The following PIK3C3 variants were observed in gnomAD, a reference collection of about 807,000 sequenced individuals.
The protein encoded by PIK3C3 is phosphatidylinositol 3-kinase catalytic subunit type 3, also known as PI3-kinase type 3.
In PIK3C3, 95 loss-of-function variants were observed where a neutral mutation model predicts 126.1. The ratio of observed to expected loss-of-function variants is 0.75; its 90% CI spans 0.64 to 0.89. The LOEUF (loss-of-function observed/expected upper bound fraction) is 0.89, where lower values mean the gene tolerates loss of function less well. Among genes scored for constraint, PIK3C3 ranks in the 40% least tolerant of loss-of-function variants. The pLI, the probability that PIK3C3 is intolerant of heterozygous loss-of-function variation, is 0.00. For synonymous variants in PIK3C3, 374 were observed against 360.0 expected, an observed-to-expected ratio of 1.04 and a Z score of -0.44; for missense variants, 829 against 1,063.2, an observed-to-expected ratio of 0.78 and a Z score of 3.06.
At chr18:42,076,221 T>TGCAC (rs1555643484) in intron 24 of PIK3C3, among the ~76,000 whole-genome samples, 2 of 146,398 alleles carry the variant, frequency 1.4e-5, no homozygotes, top group African/African-American at 2.5e-5. Flanking sequence ...CATATATATA[T>TGCAC]GCATATATAT....
intron 9 of PIK3C3, among the ~76,000 whole-genome samples, chr18:42,003,895 A>G (rs1403766068): frequency 2.0e-5 from 3 of 152,048 alleles, no homozygotes; most frequent in Non-Finnish European, 4.4e-5. Flanking sequence ...CGGTGGTCAT[A>G]CTCTAGGGAG....
chr18:42,039,881 C>G (rs949894762), intron 18 of PIK3C3, among the ~76,000 whole-genome samples: 4 of 152,062 alleles, frequency 2.6e-5, no homozygotes, highest in Admixed American at 6.6e-5. Flanking sequence ...CAATAAATAC[C>G]TGTTAAGTGA....
intron 4 of PIK3C3, among the ~76,000 whole-genome samples, chr18:41,986,408 G>A (rs1383848484): frequency 1.3e-5 from 2 of 151,538 alleles, no homozygotes; most frequent in Non-Finnish European, 2.9e-5. Context: ...AAGTGAGTAA[G>A]AATAGAGGCT....
rs555708611 is a variant in PIK3C3, at chr18:42,033,291, AT to A, written c.1708-534del. On this transcript the variant is annotated intron_variant, in intron 15 of 24. Transcript: ENST00000262039. ...TATGTATATGAGCTGAAGAAAATGAATGATGATGATATCCTAGGAAAAGTTT... is the reference window on the plus strand; with the variant it reads ...TATGTATATGAGCTGAAGAAAATGAAGATGATGATATCCTAGGAAAAGTTT... 6.9e-4 allele frequency among the ~76,000 whole-genome samples: 105 copies of A among 152,342 alleles called. 1 individual carries two copies. The East Asian group carries it at 0.019, about 28-fold the overall frequency.
intron 12 of PIK3C3, among the ~76,000 whole-genome samples, chr18:42,016,010 G>T (rs978019985): frequency 1.3e-5 from 2 of 152,106 alleles, no homozygotes; most frequent in Non-Finnish European, 2.9e-5. Flanking sequence ...TGTTAGACTA[G>T]TGCTACTCTG....
intron 22 of PIK3C3, among the ~76,000 whole-genome samples, chr18:42,063,560 G>A (rs181874726): frequency 2.3e-4 from 35 of 152,130 alleles, no homozygotes; most frequent in Non-Finnish European, 4.0e-4. Flanking sequence ...ACTACATCAA[G>A]GTAGAAGTTT....
At chr18:42,079,946 AGTGTGTGTGTGTGTGTGTGTGT>A (rs6146278) in intron 24 of PIK3C3, among the ~76,000 whole-genome samples, 3 of 137,130 alleles carry the variant, frequency 2.2e-5, no homozygotes, top group Non-Finnish European at 4.8e-5. Flanking sequence ...CCAACTTTTG[AGTGTGTGTGTGTGTGTGTGTGT>A]GTGTGTGTGT....
In PIK3C3 at chr18:42,062,756, G is replaced by C. The variant is rs143383925; in HGVS notation, c.2433-1984G>C. On this transcript the variant is annotated intron_variant, in intron 22 of 24. Transcript: ENST00000262039. The stretch of plus-strand genomic sequence containing the variant: ...GACATCTCTACTAAAAATCTAGTAG[G>C]CACCTCAGACTCCACATGTCTAAAA... Among the ~76,000 whole-genome samples the C allele has an allele frequency of 1.0e-3, 154 of 151,956 alleles. 2 individuals are homozygous for C. Among genetic ancestry groups the C allele is most frequent in the African/African-American group, 3.6e-3 (149 of 41,418 alleles).
chr18:42,049,682 G>A, intron 21 of PIK3C3, 77 bp downstream of exon 21: 1 of 1,203,226 alleles, frequency 8.3e-7, no homozygotes, highest in Non-Finnish European at 1.2e-6. Flanking sequence ...GTACTAACAA[G>A]ATAAGTTGCG....
intron 22 of PIK3C3, among the ~76,000 whole-genome samples, chr18:42,058,513 C>G (rs1274868919): frequency 6.6e-6 from 1 of 152,138 alleles, no homozygotes; most frequent in African/African-American, 2.4e-5. Flanking sequence ...GATATTAGTT[C>G]AATCATTTTT....
rs1262876524 is a variant in PIK3C3, at chr18:42,085,842, T to A, written c.*4705T>A. ...GGCTCATGCCTGTAATGCCAGCACT[T>A]TGGGAGGCCAAGGCAGGCAGATCAC... On this transcript the variant is annotated 3_prime_UTR_variant, in exon 25 of 25. Transcript: ENST00000262039. The A allele has an allele frequency of 6.6e-6, 1 of 152,220 alleles. No homozygotes were observed. The highest frequency in any genetic ancestry group is 1.5e-5 in the Non-Finnish European group (1 of 68,088). 9.4% of individuals were successfully genotyped at this position (152,220 alleles called of 1,614,324 possible).
At position 41,993,410 on chromosome 18, in the gene PIK3C3, G is replaced by A. The variant is rs747136970; in HGVS notation, c.786+69G>A. The A allele has an allele frequency of 1.4e-5, 14 of 993,776 alleles. No homozygotes were observed. In the Admixed American group the frequency reaches 1.8e-4, roughly 13 times the overall value. 61.6% of individuals were successfully genotyped at this position (993,776 alleles called of 1,614,324 possible). A position where few individuals can be genotyped will look rare whatever the true frequency, so the allele number is the denominator to read the frequency against. Reference sequence around the variant, plus strand: ...AGTAATTGTGAGTTAGCCACATCATGTACTTTCTTTAAACAAAGTAATATA... The same window carrying A: ...AGTAATTGTGAGTTAGCCACATCATATACTTTCTTTAAACAAAGTAATATA... On this transcript the variant is annotated intron_variant, in intron 7 of 24. Coordinates refer to ENST00000262039, the MANE Select transcript of PIK3C3 (RefSeq NM_002647.4).
chr18:42,044,606 C>G (rs1465644836), intron 20 of PIK3C3, among the ~76,000 whole-genome samples: 3 of 151,962 alleles, frequency 2.0e-5, no homozygotes, highest in Admixed American at 6.6e-5. Flanking sequence ...TTTGTAGAAA[C>G]AGGGTTATGG....
At chr18:41,997,395 T>C (rs1340977008) in intron 9 of PIK3C3, among the ~76,000 whole-genome samples, 2 of 152,062 alleles carry the variant, frequency 1.3e-5, no homozygotes, top group Non-Finnish European at 2.9e-5. Context: ...GAGAGAGAAT[T>C]GTGGTAAAGT....
rs60224978 is a variant in PIK3C3 at position 42,054,126 on chromosome 18, GTATATATATATATATA to G, written c.2264-3706_2264-3691del. ...GTTCTCTAGAGGGACAGAACTAATG[GTATATATATATATATA>G]TATATATATATATATATATATATAT... On this transcript the variant is annotated intron_variant, in intron 21 of 24. Transcript: ENST00000262039. Among the ~76,000 whole-genome samples, 71 of 69,648 alleles carry G rather than the reference GTATATATATATATATA, an allele frequency of 1.0e-3. 2 individuals carry two copies. Among genetic ancestry groups the G allele is most frequent in the East Asian group, 4.3e-3 (5 of 1,156 alleles). 45.7% of individuals were successfully genotyped at this position (69,648 alleles called of 152,430 possible).
chr18:42,081,007 C>CT, intron 24 of PIK3C3, 116 bp from the exon 25 acceptor site: 1 of 622,934 alleles, frequency 1.6e-6, no homozygotes, highest in South Asian at 2.5e-5. Context: ...ATTTAGCAAA[C>CT]TAATTAATGC....
chr18:42,086,717 T>C lies in PIK3C3; in HGVS notation c.*5580T>C, dbSNP rs1253484374. ...CATCAGGAAGTTACCCTATATGGTC[T>C]AAAAAGGGGAGGAACCCTCAGTTCT... On this transcript the variant is annotated 3_prime_UTR_variant, in exon 25 of 25. Transcript: ENST00000262039. 6.6e-6 allele frequency: 1 copy of C among 152,228 alleles called. No homozygotes were observed. The highest frequency in any genetic ancestry group is 1.5e-5 in the Non-Finnish European group (1 of 68,030). 9.4% of individuals were successfully genotyped at this position (152,228 alleles called of 1,614,324 possible). A position where few individuals can be genotyped will look rare whatever the true frequency, so the allele number is the denominator to read the frequency against.
At chr18:41,982,166 TAG>T (rs1363621977) in intron 4 of PIK3C3, among the ~76,000 whole-genome samples, 1 of 152,204 alleles carries the variant, frequency 6.6e-6, no homozygotes, top group Non-Finnish European at 1.5e-5. Context: ...AGAGAGGCAT[TAG>T]AGTCAAAAGA....
intron 19 of PIK3C3, among the ~76,000 whole-genome samples, chr18:42,041,092 G>C (rs1340790504): frequency 6.6e-6 from 1 of 151,982 alleles, no homozygotes; most frequent in Non-Finnish European, 1.5e-5. Flanking sequence ...TGAGCCAGGA[G>C]AATCGCTTGA....
Sources: allele counts gnomAD v4.1 joint callset (sites outside exome capture counted in the v4.1 genomes callset), GRCh38; gene constraint gnomAD v4.1.1; transcripts MANE v1.5; gene names NCBI Gene and HGNC (gene_info 2026-07-23, HGNC 2026-07-21).